Variants in WWOX observed in about 807,000 individuals in gnomAD.
WWOX encodes the protein WW domain-containing oxidoreductase.
A neutral mutation model predicts 46.2 loss-of-function variants in WWOX; 69 were observed. The ratio of observed to expected loss-of-function variants is 1.49; its 90% CI spans 1.23 to 1.82. WWOX has a LOEUF of 1.82. Among genes scored for constraint, WWOX ranks in the 40% most tolerant of loss-of-function variants. WWOX has a pLI of 0.00. For synonymous variants in WWOX, 359 were observed against 202.6 expected (o/e 1.77, Z -6.56); for missense variants, 919 against 542.6 (o/e 1.69, Z -6.89).
At chr16:78,251,945 T>C (rs1366262908) in intron 5 of WWOX, among the ~76,000 whole-genome samples, 3 of 152,192 alleles carry the variant, frequency 2.0e-5, no homozygotes, top group Non-Finnish European at 4.4e-5. Flanking sequence ...TACATCTTTG[T>C]TGGAGTATTT....
intron 8 of WWOX, among the ~76,000 whole-genome samples, chr16:78,514,832 A>C (rs2085450518): frequency 6.6e-6 from 1 of 152,184 alleles, no homozygotes; most frequent in Non-Finnish European, 1.5e-5. Flanking sequence ...CCAATGAATT[A>C]TCTATTATGT....
intron 8 of WWOX, among the ~76,000 whole-genome samples, chr16:79,175,242 C>G (rs1111415): frequency 0.41 from 62,590 of 152,138 alleles, 13,757 homozygotes; most frequent in East Asian, 0.71. Flanking sequence ...TGAAGTGCTT[C>G]TCAGTGATGA....
chr16:78,646,098 A>T (rs1232008278), intron 8 of WWOX, among the ~76,000 whole-genome samples: 2 of 152,116 alleles, frequency 1.3e-5, no homozygotes, highest in Non-Finnish European at 2.9e-5. Flanking sequence ...TCATGTCAAG[A>T]ACTTACATCC....
intron 8 of WWOX, among the ~76,000 whole-genome samples, chr16:78,797,891 C>T (rs2050785838): frequency 6.6e-6 from 1 of 152,130 alleles, no homozygotes; most frequent in African/African-American, 2.4e-5. Context: ...AAGAGGCTGA[C>T]ATGGGAGGAT....
At chr16:78,795,907 T>C (rs543985019) in intron 8 of WWOX, among the ~76,000 whole-genome samples, 2 of 152,250 alleles carry the variant, frequency 1.3e-5, no homozygotes, top group South Asian at 2.1e-4. Context: ...AACAAAAGTA[T>C]AAGGTTTAAG....
chr16:78,329,613 A>G (rs938149615), intron 5 of WWOX, among the ~76,000 whole-genome samples: 1 of 152,238 alleles, frequency 6.6e-6, no homozygotes, highest in African/African-American at 2.4e-5. Context: ...TATGTAAAAT[A>G]TAGCAGTTTC....
chr16:78,960,216 C>T (rs574679961), intron 8 of WWOX, among the ~76,000 whole-genome samples: 16 of 152,260 alleles, frequency 1.1e-4, no homozygotes, highest in African/African-American at 3.6e-4. Flanking sequence ...ATGTCTGACA[C>T]CAAAAATGAC....
chr16:78,909,994 A>C (rs2045066699), intron 8 of WWOX, among the ~76,000 whole-genome samples: 1 of 152,214 alleles, frequency 6.6e-6, no homozygotes, highest in Non-Finnish European at 1.5e-5. Flanking sequence ...ATTTTGATTT[A>C]AGATCAAATT....
intron 8 of WWOX, among the ~76,000 whole-genome samples, chr16:78,887,953 GACAA>G (rs1244889380): frequency 6.6e-6 from 1 of 152,168 alleles, no homozygotes; most frequent in African/African-American, 2.4e-5. Context: ...AGCTCACTCT[GACAA>G]ACAATTTCTA....
intron 8 of WWOX, among the ~76,000 whole-genome samples, chr16:79,117,755 G>T (rs562801589): frequency 6.6e-6 from 1 of 152,312 alleles, no homozygotes; most frequent in South Asian, 2.1e-4. Flanking sequence ...TTTTGTTATG[G>T]AGACGGCTTT....
intron 8 of WWOX, among the ~76,000 whole-genome samples, chr16:78,458,385 C>G (rs1431733428): frequency 2.0e-5 from 3 of 151,684 alleles, no homozygotes; most frequent in Admixed American, 2.0e-4. Flanking sequence ...CTCAGCCTCC[C>G]AAGTAGCTGG....
intron 8 of WWOX, among the ~76,000 whole-genome samples, chr16:78,993,912 A>G (rs1439301985): frequency 6.6e-6 from 1 of 151,984 alleles, no homozygotes; most frequent in African/African-American, 2.4e-5. Context: ...CATTATTTCC[A>G]GTGTATGTGA....
intron 8 of WWOX, among the ~76,000 whole-genome samples, chr16:78,797,206 C>T (rs2050761473): frequency 6.6e-6 from 1 of 151,916 alleles, no homozygotes; most frequent in Non-Finnish European, 1.5e-5. Flanking sequence ...TGACATAATC[C>T]ATGAGAGTGG....
At chr16:79,021,680 G>C (rs1172968376) in intron 8 of WWOX, among the ~76,000 whole-genome samples, 1 of 152,186 alleles carries the variant, frequency 6.6e-6, no homozygotes, top group East Asian at 1.9e-4. Context: ...CACGATCGCA[G>C]TGCATTGCCT....
At chr16:78,888,124 C>A (rs1279138899) in intron 8 of WWOX, among the ~76,000 whole-genome samples, 2 of 152,284 alleles carry the variant, frequency 1.3e-5, no homozygotes, top group South Asian at 4.1e-4. Context: ...GTTGTAGTGT[C>A]AGTGCCATTT....
At chr16:78,481,956 G>T (rs892654886) in intron 8 of WWOX, among the ~76,000 whole-genome samples, 1 of 152,058 alleles carries the variant, frequency 6.6e-6, no homozygotes, top group African/African-American at 2.4e-5. Context: ...CACATCCTTG[G>T]TTAAGGCTGA....
intron 8 of WWOX, among the ~76,000 whole-genome samples, chr16:79,061,364 G>C (rs1399479172): frequency 6.6e-6 from 1 of 152,202 alleles, no homozygotes; most frequent in Non-Finnish European, 1.5e-5. Flanking sequence ...TAAGGGCTTG[G>C]CAAACCAAGA....
intron 8 of WWOX, among the ~76,000 whole-genome samples, chr16:79,189,208 G>A (rs1407001371): frequency 6.6e-6 from 1 of 152,066 alleles, no homozygotes; most frequent in African/African-American, 2.4e-5. Context: ...TGGAAAAATT[G>A]CCTGAGCATT....
At chr16:78,706,483 C>A (rs1273546545) in intron 8 of WWOX, among the ~76,000 whole-genome samples, 2 of 152,186 alleles carry the variant, frequency 1.3e-5, no homozygotes, top group African/African-American at 2.4e-5. Flanking sequence ...TGGGGCTCTT[C>A]CTCTCCTCTT....
Sources: gnomAD v4.1 joint callset for allele counts (sites outside exome capture counted in the v4.1 genomes callset) on GRCh38, gnomAD v4.1.1 for gene constraint, MANE v1.5 for transcripts, NCBI Gene and HGNC (gene_info 2026-07-23, HGNC 2026-07-21) for gene names.